ANKRD28: variants seen among roughly 807,000 people sequenced by gnomAD.
ANKRD28 encodes the protein ankyrin repeat domain 28, also known as serine/threonine-protein phosphatase 6 regulatory ankyrin repeat subunit A.
In ANKRD28, 44 loss-of-function variants were observed where a neutral mutation model predicts 126.5. The ratio of observed to expected loss-of-function variants is 0.35; its 90% CI spans 0.27 to 0.45. The LOEUF is 0.45. Among genes scored for constraint, ANKRD28 ranks in the 20% least tolerant of loss-of-function variants. The probability of loss-of-function intolerance (pLI) is 1.00; values close to 1 mark genes in which losing one functional copy is unlikely to be tolerated. For synonymous variants in ANKRD28, 442 were observed against 468.5 expected (o/e 0.94, Z 0.73); for missense variants, 1,110 against 1,316.6 (o/e 0.84, Z 2.43).
intron 18 of ANKRD28, among the ~76,000 whole-genome samples, chr3:15,688,793 C>T (rs1575157531): frequency 6.6e-6 from 1 of 152,278 alleles, no homozygotes; most frequent in South Asian, 2.1e-4. Context: ...TATAGACCTT[C>T]GTATTTTAAC....
chr3:15,732,508 C>A (rs1374053366), intron 6 of ANKRD28: 2 of 152,194 alleles, frequency 1.3e-5, no homozygotes, highest in Non-Finnish European at 2.9e-5. Context: ...TTGGTGAGAG[C>A]AGGACACGCA....
At chr3:15,680,809 G>A (rs939842687) in intron 21 of ANKRD28, among the ~76,000 whole-genome samples, 1 of 151,738 alleles carries the variant, frequency 6.6e-6, no homozygotes, top group African/African-American at 2.4e-5. Flanking sequence ...AAGACAACAG[G>A]TGCAAGGCTA....
In ANKRD28 at chr3:15,797,205, A is replaced by AAC. The variant is rs1559550240; in HGVS notation, c.-685_-684insGT. ...GTGTTTGGGAAAGGGGCAAAAAACAAAAACAAAAAAAAAAAAACCACTCTG... is the reference window on the plus strand; with the variant it reads ...GTGTTTGGGAAAGGGGCAAAAAACAAACAAACAAAAAAAAAAAAACCACTCTG... On this transcript the variant is annotated 5_prime_UTR_variant, in exon 1 of 28. An upstream open reading frame in the 5' UTR loses its in-frame stop. Coordinates refer to ENST00000683139, the MANE Select transcript of ANKRD28 (RefSeq NM_001349278.2). The AAC allele has an allele frequency of 3.2e-6, 3 of 941,746 alleles. No homozygotes were observed. Among genetic ancestry groups the AAC allele is most frequent in the Non-Finnish European group, 3.7e-6 (3 of 811,200 alleles). 58.3% of individuals were successfully genotyped at this position (941,746 alleles called of 1,614,324 possible).
intron 16 of ANKRD28, 92 bp from the exon 17 acceptor site, chr3:15,694,905 T>G: frequency 8.2e-7 from 1 of 1,222,904 alleles, no homozygotes; most frequent in South Asian, 1.3e-5. Flanking sequence ...CTTAGAGTAT[T>G]ATTTGGCAAC....
intron 4 of ANKRD28, among the ~76,000 whole-genome samples, chr3:15,745,394 A>G (rs1335867088): frequency 6.6e-6 from 1 of 152,168 alleles, no homozygotes; most frequent in Non-Finnish European, 1.5e-5. Context: ...TTTTTGTATA[A>G]GGTGAGAGAT....
intron 1 of ANKRD28, among the ~76,000 whole-genome samples, chr3:15,847,079 T>C (rs1360404836): frequency 2.0e-5 from 3 of 152,178 alleles, no homozygotes; most frequent in Non-Finnish European, 4.4e-5. Flanking sequence ...CCCCAGAAGA[T>C]CATCATTCAG....
rs1264078895 is a variant in ANKRD28, at chr3:15,853,217, TATG to T, written c.27+6157_27+6159del. ...AGGTATTACTTTGTTACTGATTTGA[TATG>T]ATGTGAACCGCCCATAGGATACATT... On this transcript the variant is annotated intron_variant, in intron 1 of 27. Coordinates refer to the ANKRD28 transcript ENST00000399451. The surrounding 1 kb of genome is among the most constrained non-coding windows in gnomAD (Gnocchi z 4.2). 6.6e-6 allele frequency among the ~76,000 whole-genome samples: 1 copy of T among 152,216 alleles called. No homozygotes were observed. Among genetic ancestry groups the T allele is most frequent in the Non-Finnish European group, 1.5e-5 (1 of 68,040 alleles).
At position 15,735,469 on chromosome 3, in the gene ANKRD28, G is replaced by A. The variant is rs1438246381; in HGVS notation, c.581C>T (p.Ala194Val). ...EMVKLLLSRG[A>V]NINAFDKKDR... ...TTTCTTGTCAAAAGCATTAATATTG[G>A]CACCTCTAGACAAGAGTAGTTTGAC... The change falls in exon 6 of 28, where the codon GCC (alanine) becomes GTC (valine). Residue 194 changes from alanine (A) to valine (V), a missense_variant. Physicochemically the swap from Ala to Val is moderately conservative, Grantham distance 64. Transcript: ENST00000683139. 1.3e-6 allele frequency: 2 copies of A among 1,558,444 alleles called. No homozygotes were observed. The highest frequency in any genetic ancestry group is 4.8e-5 in the East Asian group (2 of 41,890).
chr3:15,799,717 G>A (rs2060420261), upstream of ANKRD28, among the ~76,000 whole-genome samples: 1 of 151,902 alleles, frequency 6.6e-6, no homozygotes, highest in African/African-American at 2.4e-5. Flanking sequence ...TAGTACCTAA[G>A]TTCACCTACT....
intron 24 of ANKRD28, 138 bp downstream of exon 24, chr3:15,678,071 G>A: frequency 2.4e-6 from 2 of 832,526 alleles, no homozygotes; most frequent in Non-Finnish European, 3.5e-6. Context: ...AAATGAAAAT[G>A]TGGATTGCAA....
chr3:15,682,673 G>A, intron 21 of ANKRD28, among the ~76,000 whole-genome samples: 1 of 152,154 alleles, frequency 6.6e-6, no homozygotes, highest in Middle Eastern at 3.2e-3. Flanking sequence ...TTAAGAGGTT[G>A]TTTTCTGTTC....
chr3:15,691,534 G>A (rs1314656272), intron 17 of ANKRD28, among the ~76,000 whole-genome samples: 1 of 152,112 alleles, frequency 6.6e-6, no homozygotes, highest in Non-Finnish European at 1.5e-5. Context: ...ATGCTGAGCA[G>A]GACATAAAGA....
intron 27 of ANKRD28, among the ~76,000 whole-genome samples, chr3:15,673,273 G>A (rs750145240): frequency 1.9e-4 from 29 of 152,160 alleles, no homozygotes; most frequent in East Asian, 5.8e-4. Context: ...TAAGTGCATC[G>A]TTAATAGGCT....
At chr3:15,804,663 AGTTGTAGGATGTG>A (rs1378202976) in intron 1 of ANKRD28, among the ~76,000 whole-genome samples, 1 of 145,638 alleles carries the variant, frequency 6.9e-6, no homozygotes, top group African/African-American at 2.6e-5. Context: ...AAATGAGACA[AGTTGTAGGATGTG>A]GTCATTGAGG....
rs2060334668 is a variant in ANKRD28, at chr3:15,797,574, G to GGT, written c.-1054_-1053insAC. On this transcript the variant is annotated 5_prime_UTR_variant, in exon 1 of 28. It removes the in-frame stop codon of an upstream open reading frame in the 5' UTR. Transcript: ENST00000683139. ...TGTTTTCTTTAAAAAAAAAAAGGGG[G>GGT]GGGAAAAACATAGTAGTGTATCATT... 1.0e-6 allele frequency: 1 copy of GGT among 984,824 alleles called. No homozygotes were observed. Among genetic ancestry groups the GGT allele is most frequent in the African/African-American group, 1.8e-5 (1 of 57,128 alleles). 61.0% of individuals were successfully genotyped at this position (984,824 alleles called of 1,614,324 possible). A position where few individuals can be genotyped will look rare whatever the true frequency, so the allele number is the denominator to read the frequency against.
At chr3:15,829,156 G>A (rs932132447) in intron 1 of ANKRD28, among the ~76,000 whole-genome samples, 11 of 151,968 alleles carry the variant, frequency 7.2e-5, no homozygotes, top group Admixed American at 2.6e-4. Context: ...CAAAACTACC[G>A]AATTGCTTAA....
rs954096585 is a variant in ANKRD28, at chr3:15,815,272, A to G, written c.28-19966T>C. Among the ~76,000 whole-genome samples, 1 of 152,192 alleles carries G rather than the reference A, an allele frequency of 6.6e-6. No homozygotes were observed. The highest frequency in any genetic ancestry group is 1.5e-5 in the Non-Finnish European group (1 of 68,022). On this transcript the variant is annotated intron_variant, in intron 1 of 27. Transcript: ENST00000399451. The surrounding 1 kb of genome is among the most constrained non-coding windows in gnomAD (Gnocchi z 4.1). ...CCTAGAAAGAACAAATGTCAGAATT[A>G]CATTCCCTACATAAAAGTGTGGGGC... is the stretch of plus-strand genomic sequence containing the variant.
At chr3:15,791,390 C>G (rs942007127) in intron 2 of ANKRD28, among the ~76,000 whole-genome samples, 2 of 152,118 alleles carry the variant, frequency 1.3e-5, no homozygotes, top group African/African-American at 4.8e-5. Flanking sequence ...GTAACCAAAA[C>G]AGCATGGTAC....
chr3:15,859,351 A>G, intron 1 of ANKRD28: 1 of 1,524,880 alleles, frequency 6.6e-7, no homozygotes, highest in Non-Finnish European at 8.8e-7. Context: ...GGACGGCGCG[A>G]TCCCGCCCTG....
Sources: allele counts gnomAD v4.1 joint callset (sites outside exome capture counted in the v4.1 genomes callset), GRCh38; gene constraint gnomAD v4.1.1; non-coding constraint Gnocchi (gnomAD v3.1); transcripts MANE v1.5; gene names NCBI Gene and HGNC (gene_info 2026-07-23, HGNC 2026-07-21).